UBL5: variants seen among roughly 807,000 people sequenced by gnomAD.
The protein encoded by UBL5 is ubiquitin like 5.
UBL5 carries 13 observed loss-of-function variants against 11.7 expected under a neutral mutation model. The ratio of observed to expected loss-of-function variants is 1.11; its 90% CI spans 0.73 to 1.77. The LOEUF is 1.77. Among genes scored for constraint, UBL5 ranks in the 40% most tolerant of loss-of-function variants. UBL5 has a pLI of 0.00. For synonymous variants in UBL5, 28 were observed against 34.7 expected (o/e 0.81, Z 0.68); for missense variants, 58 against 92.3 (o/e 0.63, Z 1.52).
Position 9,828,304 on chromosome 19 carries a change from CACCCA to C in UBL5, c.-11-22_-11-18del. ...CTGAAGCTCTGACTTTGCTGCCTCC[CACCCA>C]CCCCCCGCTTTGTGTAGCTCCAGCT... On this transcript the variant is annotated intron_variant, in intron 1 of 4. Coordinates refer to ENST00000586895, the MANE Select transcript of UBL5 (RefSeq NM_001048241.3). 3.8e-6 allele frequency: 6 copies of C among 1,578,062 alleles called. No individual in the cohort carries two copies. The highest frequency in any genetic ancestry group is 5.2e-6 in the Non-Finnish European group (6 of 1,147,300).
intron 1 of UBL5, 22 bp from the exon 2 acceptor site, chr19:9,828,303 CCA>C (rs1235302795): frequency 6.4e-7 from 1 of 1,571,414 alleles, no homozygotes; most frequent in Admixed American, 1.7e-5. Context: ...TTGCTGCCTC[CCA>C]CCCACCCCCC....
At chr19:9,829,018 A>T (rs971571955) in intron 4 of UBL5, 144 bp downstream of exon 4, 1 of 792,746 alleles carries the variant, frequency 1.3e-6, no homozygotes, top group African/African-American at 1.7e-5. Context: ...AATGGGAGCT[A>T]GGTAATTATT....
intron 3 of UBL5, 54 bp downstream of exon 3, chr19:9,828,729 G>A (rs917424319): frequency 2.3e-5 from 37 of 1,613,258 alleles, no homozygotes; most frequent in Non-Finnish European, 2.9e-5. Flanking sequence ...GAAGGTTTTG[G>A]TTGGGGGAGC....
At position 9,828,888 on chromosome 19, in the gene UBL5, G is replaced by A; in HGVS notation, c.178+14G>A. 2 of 1,614,032 alleles carry A rather than the reference G, an allele frequency of 1.2e-6. No homozygotes were observed. Among genetic ancestry groups the A allele is most frequent in the Non-Finnish European group, 1.7e-6 (2 of 1,179,878 alleles). On this transcript the variant is annotated intron_variant, in intron 4 of 4. Transcript: ENST00000586895. ...CTCTGGGGGACTGTATCCTTTGTGT[G>A]ACTTTTTGAGGAAGCATCTACATAC...
At chr19:9,828,772 C>T in intron 3 of UBL5, 65 bp from the exon 4 acceptor site, 1 of 1,610,464 alleles carries the variant, frequency 6.2e-7, no homozygotes. Context: ...GGCTTGGCTA[C>T]CTCATTTGGC....
chr19:9,828,049 C>T (rs912616904), intron 1 of UBL5, 65 bp downstream of exon 1: 1 of 543,992 alleles, frequency 1.8e-6, no homozygotes, highest in East Asian at 3.2e-5. Flanking sequence ...CACCCAGGGT[C>T]TGGGGTCGGT....
At position 9,828,310 on chromosome 19, in the gene UBL5, C is replaced by A; in HGVS notation, c.-11-17C>A. On this transcript the variant is annotated splice_polypyrimidine_tract_variant and intron_variant, in intron 1 of 4. Transcript: ENST00000586895. Reference sequence around the variant, plus strand: ...CTCTGACTTTGCTGCCTCCCACCCACCCCCCGCTTTGTGTAGCTCCAGCTA... The same window carrying A: ...CTCTGACTTTGCTGCCTCCCACCCAACCCCCGCTTTGTGTAGCTCCAGCTA... 5.0e-6 allele frequency: 8 copies of A among 1,596,594 alleles called. No individual in the cohort carries two copies. Among genetic ancestry groups the A allele is most frequent in the African/African-American group, 1.3e-5 (1 of 74,618 alleles).
chr19:9,828,241 G>A (rs1268879399), intron 1 of UBL5, 86 bp from the exon 2 acceptor site: 24 of 1,310,082 alleles, frequency 1.8e-5, no homozygotes, highest in Non-Finnish European at 2.4e-5. Flanking sequence ...CTGGGACTGG[G>A]AGACTTGTAG....
At chr19:9,829,923 G>A in intron 4 of UBL5, 42 bp from the exon 5 acceptor site, 1 of 1,613,018 alleles carries the variant, frequency 6.2e-7, no homozygotes, top group African/African-American at 1.3e-5. Flanking sequence ...GAGGGGTGGG[G>A]ACGGAAGTCA....
rs759972213 is a variant in UBL5 at position 9,828,863 on chromosome 19, C to T, written c.167C>T (p.Ser56Phe). The T allele has an allele frequency of 3.7e-6, 6 of 1,614,210 alleles. No individual in the cohort carries two copies. The highest frequency in any genetic ancestry group is 1.6e-4 in the Middle Eastern group (1 of 6,062). ...KWYTIFKDHVSLGDYEIHDGM... is the reference protein window; with the variant it reads ...KWYTIFKDHVFLGDYEIHDGM... ...TACACGATTTTTAAGGACCACGTGT[C>T]TCTGGGGGACTGTATCCTTTGTGTG... Residue 56 changes from serine to phenylalanine, a missense_variant, in exon 4 of 5, where the codon TCT (serine) becomes TTT (phenylalanine). Ser to Phe is a radical substitution (Grantham distance 155). Transcript: ENST00000586895.
intron 1 of UBL5, 166 bp from the exon 2 acceptor site, chr19:9,828,161 G>T: frequency 1.5e-6 from 1 of 665,640 alleles, no homozygotes; most frequent in Non-Finnish European, 2.6e-6. Flanking sequence ...GGGGACTTGG[G>T]GCCTGGGAGT....
At chr19:9,828,034 C>G in intron 1 of UBL5, 50 bp downstream of exon 1, 1 of 499,196 alleles carries the variant, frequency 2.0e-6, no homozygotes, top group Non-Finnish European at 3.6e-6. Context: ...CTGTCGCGAC[C>G]CAGCCACCCA....
chr19:9,829,853 T>A, intron 4 of UBL5, 112 bp from the exon 5 acceptor site: 13 of 1,213,262 alleles, frequency 1.1e-5, no homozygotes, highest in Non-Finnish European at 1.5e-5. Flanking sequence ...TGGTCCAAAA[T>A]GGGCTTCCTT....
At position 9,828,333 on chromosome 19, in the gene UBL5, C is replaced by T. The variant is rs771644454; in HGVS notation, c.-5C>T. The T allele has an allele frequency of 1.3e-5, 21 of 1,613,726 alleles. No homozygotes were observed. In the African/African-American group the frequency reaches 2.8e-4, roughly 22 times the overall value. On this transcript the variant is annotated 5_prime_UTR_variant, in exon 2 of 5. Coordinates refer to ENST00000586895, the MANE Select transcript of UBL5 (RefSeq NM_001048241.3). ...CACCCCCCGCTTTGTGTAGCTCCAG[C>T]TAGGATGATCGAGGTTGTTTGCAAC...
intron 4 of UBL5, chr19:9,829,185 T>G: frequency 6.1e-6 from 2 of 325,296 alleles, no homozygotes; most frequent in Non-Finnish European, 1.1e-5. Context: ...CAATTTTTAT[T>G]TTATTTATTT....
rs1000471366 is a variant in UBL5, at chr19:9,827,992, G to T, written c.-12+8G>T. On this transcript the variant is annotated splice_region_variant and intron_variant, in intron 1 of 4. Transcript: ENST00000586895. ...GGTTCGAGGCGATTCGAGGTGAGGG[G>T]GTCAAGCGGAGAGGCTCGGAGTCGG... 9.8e-6 allele frequency: 4 copies of T among 406,502 alleles called. No individual in the cohort carries two copies. The highest frequency in any genetic ancestry group is 1.4e-5 in the Non-Finnish European group (3 of 221,668). The allele number at this position is 406,502 out of a possible 1,614,324, so 25.2% of individuals were successfully genotyped here. A position where few individuals can be genotyped will look rare whatever the true frequency, so the allele number is the denominator to read the frequency against.
chr19:9,828,580 C>G lies in UBL5; in HGVS notation c.57-12C>G. ...CTACCGCTTCCATTTGCCTTAACTG[C>G]TCTGCGCCCAGCACGGATGATACCA... On this transcript the variant is annotated splice_polypyrimidine_tract_variant and intron_variant, in intron 2 of 4. Transcript: ENST00000586895. 6.2e-7 allele frequency: 1 copy of G among 1,614,210 alleles called. No individual in the cohort carries two copies. Among genetic ancestry groups the G allele is most frequent in the Non-Finnish European group, 8.5e-7 (1 of 1,180,034 alleles).
At chr19:9,828,252 G>A in intron 1 of UBL5, 75 bp from the exon 2 acceptor site, 3 of 1,415,408 alleles carry the variant, frequency 2.1e-6, no homozygotes, top group Non-Finnish European at 3.0e-6. Context: ...AGACTTGTAG[G>A]CTGGGGCTTC....
rs760416875 is a variant in UBL5, at chr19:9,829,946, C to T, written c.179-19C>T. 5.6e-6 allele frequency: 9 copies of T among 1,614,026 alleles called. No homozygotes were observed. The Admixed American group carries it at 1.0e-4, about 18-fold the overall frequency. On this transcript the variant is annotated intron_variant, in intron 4 of 4. Coordinates refer to ENST00000586895, the MANE Select transcript of UBL5 (RefSeq NM_001048241.3). ...GGGACGGAAGTCAGAGTCAGGATTCCTTAACACCTTTCCTTCAGATGAAAT... is the reference window on the plus strand; with the variant it reads ...GGGACGGAAGTCAGAGTCAGGATTCTTTAACACCTTTCCTTCAGATGAAAT...
Sources: gnomAD v4.1 joint callset for allele counts on GRCh38, gnomAD v4.1.1 for gene constraint, MANE v1.5 for transcripts, NCBI Gene and HGNC (gene_info 2026-07-23, HGNC 2026-07-21) for gene names.